Variants in CDH4 observed in about 807,000 individuals in gnomAD.
The protein encoded by CDH4 is cadherin 4.
Under a neutral mutation model 86.0 loss-of-function variants are expected in CDH4, and 33 were observed. That is an observed-to-expected ratio of 0.38 (90% CI 0.29 to 0.51). The LOEUF (loss-of-function observed/expected upper bound fraction) is 0.51. CDH4 is among the 20% of genes least tolerant of loss of function. The probability of loss-of-function intolerance (pLI) is 0.86; values close to 1 mark genes in which losing one functional copy is unlikely to be tolerated. For synonymous variants in CDH4, 555 were observed against 549.4 expected, an observed-to-expected ratio of 1.01 and a Z score of -0.14; for missense variants, 1,114 against 1,307.4, an observed-to-expected ratio of 0.85 and a Z score of 2.28.
chr20:61,546,368 G>A (rs1306009763), intron 2 of CDH4, among the ~76,000 whole-genome samples: 2 of 151,372 alleles, frequency 1.3e-5, no homozygotes, highest in Non-Finnish European at 2.9e-5. Flanking sequence ...GCATGTGGGT[G>A]TAGGGGTGAG....
At chr20:61,834,655 G>T (rs756385913) in intron 4 of CDH4, among the ~76,000 whole-genome samples, 3 of 152,254 alleles carry the variant, frequency 2.0e-5, no homozygotes, top group Non-Finnish European at 4.4e-5. Flanking sequence ...TCAGGGGATG[G>T]CATGGGCGAC....
rs558869512 is a variant in CDH4 at position 61,344,120 on chromosome 20, G to A, written c.169+89183G>A. ...CCACGTGAGCGGTCACTGTGGGGCC[G>A]AGGGAAGCACTAATGAGGACTGGGG... On this transcript the variant is annotated intron_variant, in intron 2 of 15. Coordinates refer to ENST00000614565, the MANE Select transcript of CDH4 (RefSeq NM_001794.5). 6.0e-3 allele frequency among the ~76,000 whole-genome samples: 920 copies of A among 152,230 alleles called. 5 individuals carry two copies. Among genetic ancestry groups the A allele is most frequent in the Non-Finnish European group, 9.0e-3 (612 of 68,016 alleles).
At position 61,565,359 on chromosome 20, in the gene CDH4, GGT is replaced by G. The variant is rs2086285855; in HGVS notation, c.170-178202_170-178201del. On this transcript the variant is annotated intron_variant, in intron 2 of 15. Transcript: ENST00000614565. The stretch of plus-strand genomic sequence containing the variant: ...GTGGTAGTGGTCCTCTTGGTGATGG[GGT>G]GATGGTGGTGGTGGTCCTCTTGGTG... Among the ~76,000 whole-genome samples the G allele has an allele frequency of 6.8e-5, 3 of 44,004 alleles. No individual in the cohort carries two copies. In the Admixed American group the frequency reaches 7.0e-4, roughly 10 times the overall value. 28.9% of individuals were successfully genotyped at this position (44,004 alleles called of 152,430 possible).
chr20:61,561,485 C>A (rs1054280347), intron 2 of CDH4, among the ~76,000 whole-genome samples: 1 of 152,230 alleles, frequency 6.6e-6, no homozygotes, highest in Non-Finnish European at 1.5e-5. Context: ...CTCCAAGTGG[C>A]CTGCGTGTGT....
intron 2 of CDH4, among the ~76,000 whole-genome samples, chr20:61,661,092 G>GA (rs1568740337): frequency 1.4e-5 from 2 of 141,660 alleles, no homozygotes; most frequent in African/African-American, 5.3e-5. Context: ...GGCGGGGGGG[G>GA]GGGAGACACA....
At position 61,684,938 on chromosome 20, in the gene CDH4, C is replaced by T. The variant is rs1230913810; in HGVS notation, c.170-58625C>T. Among the ~76,000 whole-genome samples, 1 of 152,158 alleles carries T rather than the reference C, an allele frequency of 6.6e-6. No individual in the cohort carries two copies. Among genetic ancestry groups the T allele is most frequent in the Non-Finnish European group, 1.5e-5 (1 of 68,026 alleles). ...GTGAAATTCCCCTGTTTAAAGTGTA[C>T]AATTCAATGGTCCTTAGTCAATTCA... On this transcript the variant is annotated intron_variant, in intron 2 of 15. Transcript: ENST00000614565. The surrounding 1 kb of genome is among the most constrained non-coding windows in gnomAD (Gnocchi z 4.5).
At chr20:61,445,508 G>C (rs1301010067) in intron 2 of CDH4, among the ~76,000 whole-genome samples, 4 of 152,076 alleles carry the variant, frequency 2.6e-5, no homozygotes, top group Non-Finnish European at 4.4e-5. Flanking sequence ...CGAAGAGCTG[G>C]GCAAGACCAA....
intron 2 of CDH4, among the ~76,000 whole-genome samples, chr20:61,457,665 T>C (rs2145554418): frequency 6.6e-6 from 1 of 151,598 alleles, no homozygotes; most frequent in Non-Finnish European, 1.5e-5. Context: ...GTCATGATGA[T>C]GACAGTGCTG....
chr20:61,379,865 A>G (rs1158499070), intron 2 of CDH4, among the ~76,000 whole-genome samples: 1 of 152,230 alleles, frequency 6.6e-6, no homozygotes, highest in Non-Finnish European at 1.5e-5. Flanking sequence ...AAATGACTCA[A>G]AAATAGGTAG....
chr20:61,321,140 C>T (rs184469938), intron 2 of CDH4, among the ~76,000 whole-genome samples: 3 of 152,282 alleles, frequency 2.0e-5, no homozygotes, highest in East Asian at 3.9e-4. Context: ...AGAGCGCATG[C>T]GAGAGAGAGG....
chr20:61,857,182 G>C (rs1467543681), intron 6 of CDH4, among the ~76,000 whole-genome samples: 1 of 152,240 alleles, frequency 6.6e-6, no homozygotes, highest in African/African-American at 2.4e-5. Context: ...ACAACCGGGG[G>C]ACACCCTCCA....
intron 2 of CDH4, among the ~76,000 whole-genome samples, chr20:61,547,236 G>A (rs1307550930): frequency 2.4e-4 from 32 of 131,416 alleles, no homozygotes; most frequent in Non-Finnish European, 4.0e-4. Context: ...CCCCTGAGAC[G>A]GAGTCTCACT....
At chr20:61,868,396 C>A (rs1452763145) in intron 6 of CDH4, among the ~76,000 whole-genome samples, 2 of 152,118 alleles carry the variant, frequency 1.3e-5, no homozygotes, top group African/African-American at 4.8e-5. Context: ...GCCGCAGAGG[C>A]CCAGCTTCTA....
At position 61,474,540 on chromosome 20, in the gene CDH4, A is replaced by T. The variant is rs547405123; in HGVS notation, c.169+219603A>T. Among the ~76,000 whole-genome samples the T allele has an allele frequency of 1.1e-4, 17 of 152,104 alleles. No homozygotes were observed. The East Asian group carries it at 3.3e-3, about 29-fold the overall frequency. ...ATGTAGTACCTTCGGGGTAGTAAAT[A>T]TCATTGATTCATGTGGGCTTGAAGA... On this transcript the variant is annotated intron_variant, in intron 2 of 15. Coordinates refer to ENST00000614565, the MANE Select transcript of CDH4 (RefSeq NM_001794.5).
intron 2 of CDH4, among the ~76,000 whole-genome samples, chr20:61,585,595 T>C (rs1046683440): frequency 6.6e-6 from 1 of 152,242 alleles, no homozygotes; most frequent in Non-Finnish European, 1.5e-5. Flanking sequence ...ACTCCCGAAC[T>C]TGGTGGAGCC....
chr20:61,790,489 A>G (rs1048086648), intron 4 of CDH4, among the ~76,000 whole-genome samples: 1 of 148,530 alleles, frequency 6.7e-6, no homozygotes, highest in African/African-American at 2.5e-5. Context: ...CCTTCCATTC[A>G]TCTCTCCATC....
At chr20:61,735,232 C>T (rs1045739140) in intron 2 of CDH4, among the ~76,000 whole-genome samples, 3 of 152,170 alleles carry the variant, frequency 2.0e-5, no homozygotes, top group Non-Finnish European at 2.9e-5. Flanking sequence ...AGGACTCCCC[C>T]GTCTCCCCAG....
At chr20:61,429,176 A>G (rs537784216) in intron 2 of CDH4, among the ~76,000 whole-genome samples, 16 of 152,298 alleles carry the variant, frequency 1.1e-4, no homozygotes, top group African/African-American at 3.9e-4. Context: ...GCTCAGTAAA[A>G]ATTAAGTCAT....
chr20:61,610,463 G>T (rs2086676385), intron 2 of CDH4, among the ~76,000 whole-genome samples: 2 of 152,174 alleles, frequency 1.3e-5, no homozygotes, highest in Admixed American at 1.3e-4. Flanking sequence ...AAAAACTTGG[G>T]AGCGTAGCTA....
Sources: allele counts gnomAD v4.1 joint callset (sites outside exome capture counted in the v4.1 genomes callset), GRCh38; gene constraint gnomAD v4.1.1; non-coding constraint Gnocchi (gnomAD v3.1); transcripts MANE v1.5; gene names NCBI Gene and HGNC (gene_info 2026-07-23, HGNC 2026-07-21).